OR9Q1: variants seen among roughly 807,000 people sequenced by gnomAD.
OR9Q1 encodes the protein olfactory receptor family 9 subfamily Q member 1.
For synonymous variants in OR9Q1, 153 were observed against 148.6 expected (o/e 1.03, Z -0.22); for missense variants, 374 against 378.8 (o/e 0.99, Z 0.11).
At position 58,179,567 on chromosome 11, in the gene OR9Q1, G is replaced by A. The variant is rs117212344; in HGVS notation, c.123G>A (p.Gly41=). The stretch of plus-strand genomic sequence containing the variant: ...TTATGTATCTCATCACCGTATTGGG[G>A]AACTTAGAGATGATTATTCTGATCC... The part of the protein sequence containing the change: ...FLFMYLITVL[G]NLEMIILILM... Residue 41 remains glycine, a synonymous_variant, in exon 3 of 3, where the codon GGG becomes GGA. Transcript: ENST00000335397. 1 of 1,613,656 alleles carries A rather than the reference G, an allele frequency of 6.2e-7. No individual in the cohort carries two copies. Among genetic ancestry groups the A allele is most frequent in the South Asian group, 1.1e-5 (1 of 90,996 alleles).
chr11:58,090,915 CT>C (rs1853677927), intron 2 of OR9Q1, among the ~76,000 whole-genome samples: 1 of 152,072 alleles, frequency 6.6e-6, no homozygotes, highest in African/African-American at 2.4e-5. Flanking sequence ...TCTAGATTTT[CT>C]AGTTTATTTG....
At chr11:58,124,908 A>G (rs748346656) in intron 2 of OR9Q1, among the ~76,000 whole-genome samples, 11 of 152,158 alleles carry the variant, frequency 7.2e-5, no homozygotes, top group Non-Finnish European at 1.6e-4. Flanking sequence ...AATTCATACA[A>G]TGATCCTACA....
chr11:58,151,628 A>G (rs2119896386), intron 2 of OR9Q1, among the ~76,000 whole-genome samples: 1 of 152,302 alleles, frequency 6.6e-6, no homozygotes, highest in East Asian at 1.9e-4. Flanking sequence ...ATGAATGTGA[A>G]CTAAAAATGC....
intron 2 of OR9Q1, among the ~76,000 whole-genome samples, chr11:58,082,355 A>AGTCTAG (rs1293460510): frequency 2.0e-5 from 3 of 152,242 alleles, no homozygotes; most frequent in Middle Eastern, 3.4e-3. Flanking sequence ...CCAAATGTCC[A>AGTCTAG]ACAATGATAG....
At chr11:58,037,559 CAG>C (rs1195799587) in intron 1 of OR9Q1, among the ~76,000 whole-genome samples, 3 of 149,160 alleles carry the variant, frequency 2.0e-5, no homozygotes, top group Non-Finnish European at 3.0e-5. Flanking sequence ...AATTCCAACA[CAG>C]GGAATGTTTT....
At chr11:58,070,274 C>A (rs554274799) in intron 2 of OR9Q1, among the ~76,000 whole-genome samples, 1 of 152,086 alleles carries the variant, frequency 6.6e-6, no homozygotes, top group African/African-American at 2.4e-5. Flanking sequence ...CCTTGGCCTC[C>A]CAAAGTGCTG....
At chr11:58,082,169 G>C (rs571180894) in intron 2 of OR9Q1, among the ~76,000 whole-genome samples, 1 of 152,268 alleles carries the variant, frequency 6.6e-6, no homozygotes, top group Admixed American at 6.5e-5. Context: ...TGGTGGGACT[G>C]TAAACTAGTT....
At chr11:58,142,055 T>C (rs1346551583) in intron 2 of OR9Q1, among the ~76,000 whole-genome samples, 3 of 152,210 alleles carry the variant, frequency 2.0e-5, no homozygotes, top group African/African-American at 4.8e-5. Context: ...CAAGTACATA[T>C]GTACAGTTAC....
chr11:58,069,574 A>G (rs1406463649), intron 2 of OR9Q1, among the ~76,000 whole-genome samples: 3 of 152,142 alleles, frequency 2.0e-5, no homozygotes, highest in South Asian at 2.1e-4. Flanking sequence ...AGAAAGGGCT[A>G]TACAAACTTT....
chr11:58,175,349 C>G (rs1854595137), intron 2 of OR9Q1, among the ~76,000 whole-genome samples: 1 of 151,954 alleles, frequency 6.6e-6, no homozygotes, highest in Admixed American at 6.6e-5. Flanking sequence ...CTCTCCTGCC[C>G]ATATATGTGC....
rs766627351 is a variant in OR9Q1, at chr11:58,119,212, G to A, written c.-14-60219G>A. ...GGCCAATGTGGCTAGGATCTGAGGG[G>A]TGATGACTGAGGTGTAACAGGCATC... On this transcript the variant is annotated intron_variant, in intron 2 of 2. Coordinates refer to ENST00000335397, the MANE Select transcript of OR9Q1 (RefSeq NM_001005212.4). The A allele has an allele frequency of 7.4e-6, 12 of 1,613,806 alleles. No homozygotes were observed. In the East Asian group the frequency reaches 2.2e-4, roughly 30 times the overall value.
At chr11:58,068,377 C>T (rs1053807185) in intron 2 of OR9Q1, among the ~76,000 whole-genome samples, 4 of 151,512 alleles carry the variant, frequency 2.6e-5, no homozygotes, top group Admixed American at 6.6e-5. Context: ...AAAAAAGGCC[C>T]GGGAAACCCA....
At chr11:58,108,936 G>A (rs1361451428) in intron 2 of OR9Q1, 1 of 375,726 alleles carries the variant, frequency 2.7e-6, no homozygotes, top group South Asian at 2.0e-5. Context: ...TGAGATGGGA[G>A]GTGCAGGTGG....
chr11:58,155,126 T>C (rs1854394010), intron 2 of OR9Q1, among the ~76,000 whole-genome samples: 2 of 152,168 alleles, frequency 1.3e-5, no homozygotes, highest in African/African-American at 4.8e-5. Flanking sequence ...GCAGAGCAGG[T>C]GGCAGGCTGA....
chr11:58,106,684 A>C (rs1853843564), intron 2 of OR9Q1, among the ~76,000 whole-genome samples: 1 of 152,146 alleles, frequency 6.6e-6, no homozygotes, highest in African/African-American at 2.4e-5. Context: ...TGCATAACGT[A>C]GGGTCCAGTG....
chr11:58,096,234 C>T (rs1328183113), intron 2 of OR9Q1, among the ~76,000 whole-genome samples: 1 of 147,534 alleles, frequency 6.8e-6, no homozygotes, highest in Non-Finnish European at 1.5e-5. Context: ...GTATAATTTA[C>T]ATACAGTAAA....
At chr11:58,129,787 C>G (rs1394633687) in intron 2 of OR9Q1, among the ~76,000 whole-genome samples, 4 of 152,120 alleles carry the variant, frequency 2.6e-5, no homozygotes, top group Admixed American at 2.0e-4. Flanking sequence ...TTCTCTATTT[C>G]TTTATAACAT....
intron 2 of OR9Q1, among the ~76,000 whole-genome samples, chr11:58,146,856 G>T (rs2441984): frequency 0.13 from 19,859 of 152,188 alleles, 2,100 homozygotes; most frequent in African/African-American, 0.25. Flanking sequence ...TGAGGGAGCA[G>T]GGCTTAGTGT....
chr11:58,029,419 CA>C (rs1456523022), intron 1 of OR9Q1, among the ~76,000 whole-genome samples: 1 of 152,194 alleles, frequency 6.6e-6, no homozygotes, highest in Non-Finnish European at 1.5e-5. Flanking sequence ...GGCACAGCAT[CA>C]CTTCCCCCTT....
Sources: gnomAD v4.1 joint callset for allele counts (sites outside exome capture counted in the v4.1 genomes callset) on GRCh38, gnomAD v4.1.1 for gene constraint, MANE v1.5 for transcripts, NCBI Gene and HGNC (gene_info 2026-07-23, HGNC 2026-07-21) for gene names.